The following SCN8A variants were observed in gnomAD, a reference collection of about 807,000 sequenced individuals.
SCN8A encodes sodium voltage-gated channel alpha subunit 8.
Under a neutral mutation model 184.1 loss-of-function variants are expected in SCN8A, and 30 were observed. That is an observed-to-expected ratio of 0.16 (90% CI 0.12 to 0.22). SCN8A has a LOEUF of 0.22. Ranked by LOEUF, SCN8A falls within the 10% of genes least tolerant of loss-of-function variation. SCN8A has a pLI of 1.00. For missense variants in SCN8A, 1,057 were observed against 2,498.9 expected (o/e 0.42, Z 12.30); for synonymous variants, 852 against 907.0 (o/e 0.94, Z 1.09).
chr12:51,788,245 T>G (rs1592163374), intron 22 of SCN8A, among the ~76,000 whole-genome samples: 1 of 151,584 alleles, frequency 6.6e-6, no homozygotes, highest in Non-Finnish European at 1.5e-5. Flanking sequence ...GTTTTTCTGT[T>G]AAATCCAACT....
intron 15 of SCN8A, 114 bp downstream of exon 15, chr12:51,762,790 C>A: frequency 1.1e-6 from 1 of 948,044 alleles, no homozygotes; most frequent in Non-Finnish European, 1.5e-6. Context: ...ATTTTACTCC[C>A]AATTCCAGTT....
intron 11 of SCN8A, chr12:51,713,266 T>G: frequency 3.5e-6 from 4 of 1,157,950 alleles, no homozygotes; most frequent in Non-Finnish European, 5.2e-6. Flanking sequence ...CACAGAATCC[T>G]CTCTAGAAAC....
intron 23 of SCN8A, among the ~76,000 whole-genome samples, chr12:51,788,976 G>A (rs766054038): frequency 3.3e-5 from 5 of 152,044 alleles, no homozygotes; most frequent in African/African-American, 7.2e-5. Flanking sequence ...GATTTTTTAC[G>A]TGGCCCCAGT....
At chr12:51,649,481 G>T (rs567492763) in intron 1 of SCN8A, among the ~76,000 whole-genome samples, 6 of 152,314 alleles carry the variant, frequency 3.9e-5, no homozygotes, top group South Asian at 2.1e-4. Context: ...TGGGCATCCC[G>T]GCATTTCCTT....
At chr12:51,684,721 A>G (rs1941392216) in intron 3 of SCN8A, among the ~76,000 whole-genome samples, 1 of 152,162 alleles carries the variant, frequency 6.6e-6, no homozygotes, top group African/African-American at 2.4e-5. Flanking sequence ...TTTTTAAAAA[A>G]TTTTTTGAGC....
At chr12:51,609,087 G>A (rs1185771660) in intron 1 of SCN8A, among the ~76,000 whole-genome samples, 1 of 152,132 alleles carries the variant, frequency 6.6e-6, no homozygotes, top group Non-Finnish European at 1.5e-5. Flanking sequence ...TTCCACTGTG[G>A]TCTGAGAGAG....
intron 1 of SCN8A, among the ~76,000 whole-genome samples, chr12:51,642,325 A>G (rs568915999): frequency 5.3e-5 from 8 of 152,352 alleles, no homozygotes; most frequent in African/African-American, 1.2e-4. Flanking sequence ...CACCTTTTCT[A>G]TGAAGCTGGA....
intron 12 of SCN8A, among the ~76,000 whole-genome samples, chr12:51,744,460 C>G (rs1942477265): frequency 6.6e-6 from 1 of 152,140 alleles, no homozygotes; most frequent in African/African-American, 2.4e-5. Flanking sequence ...CTTACATACA[C>G]AGATGTTAGT....
intron 5 of SCN8A, among the ~76,000 whole-genome samples, chr12:51,688,112 A>G (rs1941449664): frequency 6.6e-6 from 1 of 152,228 alleles, no homozygotes; most frequent in African/African-American, 2.4e-5. Context: ...CATTATGAAT[A>G]CACATTAGTG....
At chr12:51,628,792 C>T (rs1383780525) in intron 1 of SCN8A, among the ~76,000 whole-genome samples, 2 of 152,066 alleles carry the variant, frequency 1.3e-5, no homozygotes, top group African/African-American at 2.4e-5. Flanking sequence ...GTTTCATGTT[C>T]GCTTTCAATC....
chr12:51,734,144 A>G (rs1942286148), intron 12 of SCN8A, among the ~76,000 whole-genome samples: 1 of 152,124 alleles, frequency 6.6e-6, no homozygotes, highest in Non-Finnish European at 1.5e-5. Context: ...TCTAGTCAAG[A>G]TGCACCATTA....
chr12:51,644,760 G>A (rs1197880186), intron 1 of SCN8A, among the ~76,000 whole-genome samples: 2 of 151,732 alleles, frequency 1.3e-5, no homozygotes, highest in Non-Finnish European at 2.9e-5. Context: ...GAGCGTCTCT[G>A]CCCGGCCGCC....
At chr12:51,621,832 G>T (rs1484420321) in intron 1 of SCN8A, among the ~76,000 whole-genome samples, 1 of 152,226 alleles carries the variant, frequency 6.6e-6, no homozygotes, top group Admixed American at 6.5e-5. Flanking sequence ...CTCATCCGGA[G>T]ATTTGGAAGG....
At chr12:51,754,810 G>A (rs1398559055) in intron 14 of SCN8A, among the ~76,000 whole-genome samples, 1 of 152,170 alleles carries the variant, frequency 6.6e-6, no homozygotes, top group Non-Finnish European at 1.5e-5. Context: ...TGCAGGTTCT[G>A]CATTTTGGTA....
intron 2 of SCN8A, among the ~76,000 whole-genome samples, chr12:51,679,799 C>T (rs180731748): frequency 1.4e-5 from 2 of 140,580 alleles, no homozygotes; most frequent in East Asian, 4.4e-4. Context: ...AATCTTGGCT[C>T]ACTGCAAGCT....
chr12:51,758,426 T>C (rs748997867), intron 14 of SCN8A, among the ~76,000 whole-genome samples: 8 of 151,712 alleles, frequency 5.3e-5, no homozygotes, highest in Non-Finnish European at 1.0e-4. Context: ...AATGTCTGGT[T>C]TGTTTGTTTG....
Position 51,705,846 on chromosome 12 carries a change from A to G in SCN8A, c.1341+223A>G, listed in dbSNP as rs370336351. The stretch of plus-strand genomic sequence containing the variant: ...ATATCATCTTTTGTTGAATTGCTCA[A>G]CTGTTCAGTGTGCAACCGCCATGAT... On this transcript the variant is annotated intron_variant, in intron 10 of 26. Transcript: ENST00000627620. Among the ~76,000 whole-genome samples the G allele has an allele frequency of 5.3e-5, 8 of 152,292 alleles. No homozygotes were observed. The East Asian group carries it at 1.3e-3, about 26-fold the overall frequency.
chr12:51,702,952 C>T (rs752746635), intron 9 of SCN8A, 38 bp downstream of exon 9: 1 of 1,550,222 alleles, frequency 6.5e-7, no homozygotes, highest in East Asian at 2.3e-5. Context: ...ATAGAGTTTG[C>T]ATGAGCTTAT....
At chr12:51,702,961 A>T in intron 9 of SCN8A, 47 bp downstream of exon 9, 1 of 1,530,668 alleles carries the variant, frequency 6.5e-7, no homozygotes, top group Non-Finnish European at 8.9e-7. Context: ...GCATGAGCTT[A>T]TATGGGGTTG....
Sources: allele counts gnomAD v4.1 joint callset (sites outside exome capture counted in the v4.1 genomes callset), GRCh38; gene constraint gnomAD v4.1.1; transcripts MANE v1.5; gene names NCBI Gene and HGNC (gene_info 2026-07-23, HGNC 2026-07-21).